Variants in PROCR observed in about 807,000 individuals in gnomAD.
PROCR encodes protein C receptor.
PROCR carries 22 observed loss-of-function variants against 24.2 expected under a neutral mutation model. The observed-to-expected ratio is 0.91, with a 90% CI of 0.65 to 1.30. The LOEUF is 1.30. Among genes scored for constraint, PROCR ranks in the 50% most tolerant of loss-of-function variants. The pLI, the probability that PROCR is intolerant of heterozygous loss-of-function variation, is 0.00. For missense variants in PROCR, 288 were observed against 307.7 expected (o/e 0.94, Z 0.48); for synonymous variants, 137 against 139.2 (o/e 0.98, Z 0.11).
chr20:35,187,142 G>A (rs1024162368), intron 1 of PROCR, among the ~76,000 whole-genome samples: 12 of 152,008 alleles, frequency 7.9e-5, no homozygotes, highest in African/African-American at 2.4e-4. Context: ...TCTCCATCTC[G>A]CAGGCTCAAA....
chr20:35,214,413 G>A (rs571329388), intron 1 of PROCR, among the ~76,000 whole-genome samples: 3 of 152,198 alleles, frequency 2.0e-5, no homozygotes, highest in South Asian at 4.1e-4. Flanking sequence ...TGGGCCGGGC[G>A]CGGTGGCTCA....
chr20:35,190,892 G>A (rs553894538), intron 1 of PROCR, among the ~76,000 whole-genome samples: 6 of 152,006 alleles, frequency 3.9e-5, no homozygotes, highest in African/African-American at 9.7e-5. Context: ...ACAGAGTCTC[G>A]CTCCGTCGCC....
intron 1 of PROCR, among the ~76,000 whole-genome samples, chr20:35,173,113 C>A (rs2085966070): frequency 6.6e-6 from 1 of 152,160 alleles, no homozygotes; most frequent in Admixed American, 6.5e-5. Flanking sequence ...ACAGACAGGA[C>A]CCACTCACAC....
intron 1 of PROCR, among the ~76,000 whole-genome samples, chr20:35,186,546 A>ACAAAG (rs2086128168): frequency 2.0e-5 from 3 of 150,506 alleles, no homozygotes; most frequent in East Asian, 1.9e-4. Flanking sequence ...AGCCTGGGCA[A>ACAAAG]CAAGAGTGAA....
chr20:35,184,993 T>G (rs1488999559), intron 1 of PROCR, among the ~76,000 whole-genome samples: 3 of 120,212 alleles, frequency 2.5e-5, no homozygotes, highest in Non-Finnish European at 3.3e-5. Context: ...AGGACTAATA[T>G]CCAGAATCTA....
chr20:35,172,388 C>G (rs1196036368), intron 1 of PROCR, among the ~76,000 whole-genome samples, 164 bp downstream of exon 1: 1 of 152,096 alleles, frequency 6.6e-6, no homozygotes, highest in Non-Finnish European at 1.5e-5. Flanking sequence ...GTTCGTGTCC[C>G]AAAGCCAAGG....
At chr20:35,192,835 A>C (rs2086185508) in intron 1 of PROCR, among the ~76,000 whole-genome samples, 1 of 152,208 alleles carries the variant, frequency 6.6e-6, no homozygotes. Flanking sequence ...CTGCTCTGTC[A>C]ATAGCAGTAT....
rs569546380 is a variant in PROCR at position 35,208,238 on chromosome 20, T to A, written c.95-7655T>A. The stretch of plus-strand genomic sequence containing the variant: ...TGACTTCACAGGCTGGCTCTGGGCA[T>A]AGGCCAGTCTCTTCCTGGAGCTTTC... On this transcript the variant is annotated intron_variant, in intron 1 of 1. Transcript: ENST00000634509. Among the ~76,000 whole-genome samples, 9 of 152,356 alleles carry A rather than the reference T, an allele frequency of 5.9e-5. No individual in the cohort carries two copies. The East Asian group carries it at 1.7e-3, about 29-fold the overall frequency.
intron 1 of PROCR, among the ~76,000 whole-genome samples, chr20:35,194,054 A>G (rs1414606022): frequency 2.0e-5 from 3 of 152,260 alleles, no homozygotes; most frequent in African/African-American, 4.8e-5. Flanking sequence ...CTAAGGAGGA[A>G]GTAACCACTG....
chr20:35,172,124 A>G lies in PROCR; in HGVS notation c.-31A>G, dbSNP rs1197000896. ...GCGGAGCCCGCAGCCGGCCCGAGCC[A>G]GGAACCCAGGTCCGGAGCCTCAACT... On this transcript the variant is annotated 5_prime_UTR_variant, in exon 1 of 4. Coordinates refer to ENST00000216968, the MANE Select transcript of PROCR (RefSeq NM_006404.5). 2 of 1,612,716 alleles carry G rather than the reference A, an allele frequency of 1.2e-6. No individual in the cohort carries two copies. The highest frequency in any genetic ancestry group is 1.7e-6 in the Non-Finnish European group (2 of 1,178,748).
At chr20:35,191,746 A>C (rs2086175443) in intron 1 of PROCR, among the ~76,000 whole-genome samples, 1 of 152,226 alleles carries the variant, frequency 6.6e-6, no homozygotes, top group Non-Finnish European at 1.5e-5. Context: ...CAAAGAGAAG[A>C]GAAAGAGCAG....
intron 1 of PROCR, among the ~76,000 whole-genome samples, chr20:35,189,019 C>T (rs761801039): frequency 1.3e-5 from 2 of 152,136 alleles, no homozygotes; most frequent in Non-Finnish European, 2.9e-5. Flanking sequence ...ATTGCGTTAA[C>T]TGCACAAGTT....
At chr20:35,186,339 C>T (rs548290990) in intron 1 of PROCR, among the ~76,000 whole-genome samples, 6 of 152,126 alleles carry the variant, frequency 3.9e-5, no homozygotes, top group Non-Finnish European at 7.4e-5. Context: ...GAGGCCAAGG[C>T]GGGTGGATCA....
Position 35,172,101 on chromosome 20 carries a change from G to C in PROCR, c.-54G>C, listed in dbSNP as rs562942867. ...CTCTTTTCCCTAGACTGCAGCCAGC[G>C]GAGCCCGCAGCCGGCCCGAGCCAGG... On this transcript the variant is annotated 5_prime_UTR_variant, in exon 1 of 4. Transcript: ENST00000216968. 597 of 1,569,350 alleles carry C rather than the reference G, an allele frequency of 3.8e-4. 1 individual carries two copies. The highest frequency in any genetic ancestry group is 5.1e-4 in the Non-Finnish European group (577 of 1,139,532).
At position 35,177,080 on chromosome 20, in the gene PROCR, A is replaced by G. The variant is rs1458406549; in HGVS notation, c.*267A>G. On this transcript the variant is annotated 3_prime_UTR_variant, in exon 4 of 4. Transcript: ENST00000216968. ...AGTGAATGTTTATCTATCTTTGTGG[A>G]AAACAGATAATGGAGTTGGGGCAGG... The G allele has an allele frequency of 1.6e-6, 2 of 1,249,078 alleles. No homozygotes were observed. Among genetic ancestry groups the G allele is most frequent in the East Asian group, 4.5e-5 (1 of 22,132 alleles). 77.4% of individuals were successfully genotyped at this position (1,249,078 alleles called of 1,614,324 possible).
rs187876926 is a variant in PROCR, at chr20:35,199,713, A to T, written c.95-16180A>T. On this transcript the variant is annotated intron_variant, in intron 1 of 1. Transcript: ENST00000634509. ...CAGTGAGCCAAGATCATGCCACTGC[A>T]CTCCAGCCTGGGCAACATAGTGAGA... Among the ~76,000 whole-genome samples, 585 of 149,850 alleles carry T rather than the reference A, an allele frequency of 3.9e-3. 2 individuals are homozygous for T. The highest frequency in any genetic ancestry group is 6.5e-3 in the Non-Finnish European group (441 of 67,764).
chr20:35,171,890 G>A (rs1309813022), upstream of PROCR, among the ~76,000 whole-genome samples: 1 of 152,128 alleles, frequency 6.6e-6, no homozygotes, highest in Non-Finnish European at 1.5e-5. Context: ...GAAGGGAAAA[G>A]GCAGGTCTGG....
intron 1 of PROCR, among the ~76,000 whole-genome samples, chr20:35,191,063 T>A (rs11904888): frequency 0.084 from 12,749 of 152,216 alleles, 663 homozygotes; most frequent in South Asian, 0.16. Flanking sequence ...TTTCACCATG[T>A]TGGCCAGGAT....
rs114694235 is a variant in PROCR, at chr20:35,191,502, G to A, written c.94+15056G>A. 7.7e-3 allele frequency among the ~76,000 whole-genome samples: 1,171 copies of A among 152,142 alleles called. 12 individuals carry two copies. The highest frequency in any genetic ancestry group is 0.026 in the African/African-American group (1,092 of 41,482). On this transcript the variant is annotated intron_variant, in intron 1 of 1. Coordinates refer to the PROCR transcript ENST00000634509. ...TGTCAGAGATAATTAGTAGGAAATA[G>A]GTAGAAAAATAAGGAAGGTCGAAGG... is the stretch of plus-strand genomic sequence containing the variant.
Sources: allele counts gnomAD v4.1 joint callset (sites outside exome capture counted in the v4.1 genomes callset), GRCh38; gene constraint gnomAD v4.1.1; transcripts MANE v1.5; gene names NCBI Gene and HGNC (gene_info 2026-07-23, HGNC 2026-07-21).